AGAP1: variants seen among roughly 807,000 people sequenced by gnomAD.
The protein encoded by AGAP1 is arf-GAP with GTPase, ANK repeat and PH domain-containing protein 1.
Under a neutral mutation model 105.3 loss-of-function variants are expected in AGAP1, and 29 were observed. That is an observed-to-expected ratio of 0.28 (90% confidence interval 0.21 to 0.38). The LOEUF is 0.38. AGAP1 is among the 10% of genes least tolerant of loss of function. AGAP1 has a pLI of 1.00. For synonymous variants in AGAP1, 509 were observed against 485.9 expected (o/e 1.05, Z -0.63); for missense variants, 998 against 1,165.1 (o/e 0.86, Z 2.09).
At position 235,609,732 on chromosome 2, in the gene AGAP1, G is replaced by A. The variant is rs1350183281; in HGVS notation, c.164-99447G>A. Among the ~76,000 whole-genome samples the A allele has an allele frequency of 2.6e-5, 4 of 152,082 alleles. No homozygotes were observed. Among genetic ancestry groups the A allele is most frequent in the African/African-American group, 9.7e-5 (4 of 41,428 alleles). ...CTCTGGAGGTCTTCTGTTTGCTGTTGTATGCTGTGGCTCAGAAGTTATGTG... is the reference window on the plus strand; with the variant it reads ...CTCTGGAGGTCTTCTGTTTGCTGTTATATGCTGTGGCTCAGAAGTTATGTG... On this transcript the variant is annotated intron_variant, in intron 1 of 17. Coordinates refer to ENST00000304032, the MANE Select transcript of AGAP1 (RefSeq NM_001037131.3). The surrounding 1 kb of genome is among the most constrained non-coding windows in gnomAD (Gnocchi z 5.1).
chr2:235,810,581 AC>A (rs1225715506), intron 9 of AGAP1, among the ~76,000 whole-genome samples: 1 of 151,890 alleles, frequency 6.6e-6, no homozygotes, highest in Non-Finnish European at 1.5e-5. Context: ...GCTTATGTTA[AC>A]CCCCTTTCAC....
rs559382847 is a variant in AGAP1 at position 235,967,731 on chromosome 2, C to T, written c.1484-731C>T. ...ACCCGGCTTGAATTATATGCGCGTTCTGGTCATGTAGTACCGCTTTGGCCT... is the reference window on the plus strand; with the variant it reads ...ACCCGGCTTGAATTATATGCGCGTTTTGGTCATGTAGTACCGCTTTGGCCT... On this transcript the variant is annotated intron_variant, in intron 12 of 17. Coordinates refer to ENST00000304032, the MANE Select transcript of AGAP1 (RefSeq NM_001037131.3). The surrounding 1 kb of genome is among the most constrained non-coding windows in gnomAD (Gnocchi z 4.7). Among the ~76,000 whole-genome samples, 6 of 152,328 alleles carry T rather than the reference C, an allele frequency of 3.9e-5. No homozygotes were observed. In the South Asian group the frequency reaches 6.2e-4, roughly 16 times the overall value.
chr2:235,912,409 C>CA (rs1321150555), intron 11 of AGAP1, among the ~76,000 whole-genome samples: 1 of 152,048 alleles, frequency 6.6e-6, no homozygotes, highest in Non-Finnish European at 1.5e-5. Context: ...CTGTTTTTGC[C>CA]AAAAAATTGA....
At chr2:235,709,521 G>GTGTGTGTGTGT (rs141621575) in intron 2 of AGAP1, among the ~76,000 whole-genome samples, 35,774 of 151,238 alleles carry the variant, frequency 0.24, 4,607 homozygotes, top group East Asian at 0.43. Context: ...CATCTCGTGG[G>GTGTGTGTGTGT]TGTGTGTGTG....
intron 1 of AGAP1, among the ~76,000 whole-genome samples, chr2:235,640,026 T>C (rs2149303887): frequency 6.6e-6 from 1 of 152,356 alleles, no homozygotes; most frequent in South Asian, 2.1e-4. Context: ...TTAGCAGTCT[T>C]TAGGGCAACC....
At chr2:235,952,675 C>T (rs1158899844) in intron 12 of AGAP1, among the ~76,000 whole-genome samples, 1 of 152,138 alleles carries the variant, frequency 6.6e-6, no homozygotes. Flanking sequence ...AACAGTGCCT[C>T]CCCCTGAGTG....
At position 235,688,659 on chromosome 2, in the gene AGAP1, G is replaced by A. The variant is rs78165418; in HGVS notation, c.164-20520G>A. ...ATTTTTTCCTTTTGTTCAGATTTTC[G>A]TCATGACCACGTGTGTACCCGTTAA... On this transcript the variant is annotated intron_variant, in intron 1 of 17. Transcript: ENST00000304032. Among the ~76,000 whole-genome samples, 497 of 152,246 alleles carry A rather than the reference G, an allele frequency of 3.3e-3. 5 individuals are homozygous for A. The East Asian group carries it at 0.042, about 13-fold the overall frequency.
In AGAP1 at chr2:235,845,735, C is replaced by T. The variant is rs1055720125; in HGVS notation, c.1051-37610C>T. Among the ~76,000 whole-genome samples the T allele has an allele frequency of 1.3e-5, 2 of 152,110 alleles. No homozygotes were observed. The highest frequency in any genetic ancestry group is 4.8e-5 in the African/African-American group (2 of 41,424). On this transcript the variant is annotated intron_variant, in intron 9 of 17. Coordinates refer to ENST00000304032, the MANE Select transcript of AGAP1 (RefSeq NM_001037131.3). This position sits in a 1 kb window ranked among gnomAD's most constrained non-coding sequence, Gnocchi z 4.8. The stretch of plus-strand genomic sequence containing the variant: ...GACTATTCCTGATGTCATCTATTAA[C>T]CTTCTCCAGCTGCTCCGAGATGGTC...
intron 6 of AGAP1, among the ~76,000 whole-genome samples, chr2:235,764,066 T>TCCG (rs1559454554): frequency 2.1e-5 from 3 of 144,280 alleles, no homozygotes; most frequent in East Asian, 2.0e-4. Flanking sequence ...GTGTGGCGGT[T>TCCG]GCCCATGTGT....
rs2059005424 is a variant in AGAP1 at position 236,089,385 on chromosome 2, C to T, written c.2115-30807C>T. On this transcript the variant is annotated intron_variant, in intron 16 of 17. Coordinates refer to ENST00000304032, the MANE Select transcript of AGAP1 (RefSeq NM_001037131.3). The surrounding 1 kb of genome is among the most constrained non-coding windows in gnomAD (Gnocchi z 5.6). ...CTCAGTCTCCCAGTTGCAAAGATGCCATCCCAGGTCAAGCTGAGGTCCTTG... is the reference window on the plus strand; with the variant it reads ...CTCAGTCTCCCAGTTGCAAAGATGCTATCCCAGGTCAAGCTGAGGTCCTTG... Among the ~76,000 whole-genome samples the T allele has an allele frequency of 6.6e-6, 1 of 152,204 alleles. No homozygotes were observed. Among genetic ancestry groups the T allele is most frequent in the African/African-American group, 2.4e-5 (1 of 41,454 alleles).
In AGAP1 at chr2:235,739,251, G is replaced by A. The variant is rs192322145; in HGVS notation, c.311-1712G>A. Among the ~76,000 whole-genome samples, 357 of 152,360 alleles carry A rather than the reference G, an allele frequency of 2.3e-3. 4 individuals are homozygous for A. The highest frequency in any genetic ancestry group is 0.02 in the East Asian group (105 of 5,188). On this transcript the variant is annotated intron_variant, in intron 3 of 17. Transcript: ENST00000304032. This position sits in a 1 kb window ranked among gnomAD's most constrained non-coding sequence, Gnocchi z 5.3. ...CCAGTATCGGGGTCTGGGGGCGACC[G>A]TCTGCAGCACCGTCACATACGTGGG...
rs913190952 is a variant in AGAP1, at chr2:235,719,564, A to G, written c.310+1920A>G. 1.3e-5 allele frequency among the ~76,000 whole-genome samples: 2 copies of G among 152,210 alleles called. No homozygotes were observed. The highest frequency in any genetic ancestry group is 4.8e-5 in the African/African-American group (2 of 41,444). ...ATGCATTTTACTGCACTGAAATTTC[A>G]TAGTATTGTGTATGGTTTTTAAAAA... On this transcript the variant is annotated intron_variant, in intron 3 of 17. Transcript: ENST00000304032. The surrounding 1 kb of genome is among the most constrained non-coding windows in gnomAD (Gnocchi z 4.9).
intron 9 of AGAP1, among the ~76,000 whole-genome samples, chr2:235,862,786 G>A (rs1216488629): frequency 6.6e-6 from 1 of 152,180 alleles, no homozygotes; most frequent in Admixed American, 6.5e-5. Context: ...ATAGATGTCA[G>A]GATCCTGAGG....
In AGAP1 at chr2:236,101,585, C is replaced by T. The variant is rs905534366; in HGVS notation, c.2115-18607C>T. On this transcript the variant is annotated intron_variant, in intron 16 of 17. Coordinates refer to ENST00000304032, the MANE Select transcript of AGAP1 (RefSeq NM_001037131.3). This position sits in a 1 kb window ranked among gnomAD's most constrained non-coding sequence, Gnocchi z 4.9. ...CTGGTGTTTAAAGGGCGTCGGTGCA[C>T]GTACAGCGAGGGCTTACATCCACTT... Among the ~76,000 whole-genome samples the T allele has an allele frequency of 2.6e-5, 4 of 152,174 alleles. No homozygotes were observed. The highest frequency in any genetic ancestry group is 4.4e-5 in the Non-Finnish European group (3 of 68,044).
At position 235,959,290 on chromosome 2, in the gene AGAP1, C is replaced by A. The variant is rs1050631939; in HGVS notation, c.1484-9172C>A. On this transcript the variant is annotated intron_variant, in intron 12 of 17. Transcript: ENST00000304032. The surrounding 1 kb of genome is among the most constrained non-coding windows in gnomAD (Gnocchi z 7.3). ...TGGAGCTCATTTACAGTGTCTCAGG[C>A]GGGGCTTTCGGGGCCTCTTCAATTT... Among the ~76,000 whole-genome samples the A allele has an allele frequency of 3.9e-5, 6 of 152,134 alleles. No individual in the cohort carries two copies. The highest frequency in any genetic ancestry group is 1.4e-4 in the African/African-American group (6 of 41,424).
chr2:235,884,452 G>GGT (rs767649904), intron 10 of AGAP1, among the ~76,000 whole-genome samples: 4 of 124,656 alleles, frequency 3.2e-5, no homozygotes, highest in South Asian at 2.6e-4. Flanking sequence ...ATTTTTCACT[G>GGT]TTTTTTTTTT....
At chr2:235,542,944 TCGTTTTCCTGACCTGGGGACG>T in intron 1 of AGAP1, among the ~76,000 whole-genome samples, 1 of 152,170 alleles carries the variant, frequency 6.6e-6, no homozygotes, top group Non-Finnish European at 1.5e-5. Flanking sequence ...CTTTTGTCCT[TCGTTTTCCTGACCTGGGGACG>T]GTCTCCTGGA....
rs999138577 is a variant in AGAP1, at chr2:235,891,726, C to G, written c.1155+8277C>G. ...GGTCAAGCCAAGGACTTCAAGGTGCCCCTGTCTAGGAAAGCTCACCAGTGT... is the reference window on the plus strand; with the variant it reads ...GGTCAAGCCAAGGACTTCAAGGTGCGCCTGTCTAGGAAAGCTCACCAGTGT... On this transcript the variant is annotated intron_variant, in intron 10 of 17. Transcript: ENST00000304032. This position sits in a 1 kb window ranked among gnomAD's most constrained non-coding sequence, Gnocchi z 4.2. Among the ~76,000 whole-genome samples the G allele has an allele frequency of 7.9e-5, 12 of 152,140 alleles. No individual in the cohort carries two copies. Among genetic ancestry groups the G allele is most frequent in the Non-Finnish European group, 1.6e-4 (11 of 68,022 alleles).
intron 13 of AGAP1, among the ~76,000 whole-genome samples, chr2:236,019,873 A>G (rs1366245359): frequency 5.9e-5 from 9 of 152,208 alleles, no homozygotes; most frequent in Admixed American, 5.9e-4. Context: ...GCCCCCGCCA[A>G]ATGCCCCGGC....
Sources: allele counts gnomAD v4.1 joint callset (sites outside exome capture counted in the v4.1 genomes callset), GRCh38; gene constraint gnomAD v4.1.1; non-coding constraint Gnocchi (gnomAD v3.1); transcripts MANE v1.5; gene names NCBI Gene and HGNC (gene_info 2026-07-23, HGNC 2026-07-21).